UBA1: variants seen among roughly 807,000 people sequenced by gnomAD.
UBA1 encodes the protein ubiquitin like modifier activating enzyme 1.
In UBA1, 4 loss-of-function variants were observed where a neutral mutation model predicts 84.7. That is an observed-to-expected ratio of 0.05 (90% CI 0.02 to 0.11). UBA1 has a LOEUF of 0.11. Among genes scored for constraint, UBA1 ranks in the 10% least tolerant of loss-of-function variants. The probability of loss-of-function intolerance (pLI) is 1.00; values close to 1 mark genes in which losing one functional copy is unlikely to be tolerated. For missense variants in UBA1, 513 were observed against 902.8 expected, an observed-to-expected ratio of 0.57 and a Z score of 5.53; for synonymous variants, 364 against 362.6, an observed-to-expected ratio of 1.00 and a Z score of -0.04.
chrX:47,197,149 C>T, intron 1 of UBA1: 2 of 755,010 alleles, frequency 2.6e-6, no homozygotes, highest in Non-Finnish European at 3.1e-6. Flanking sequence ...CTCAGGGGCT[C>T]CAGCCAGCCT....
intron 13 of UBA1, 127 bp from the exon 14 acceptor site, chrX:47,203,414 C>T: frequency 1.1e-6 from 1 of 926,825 alleles, no homozygotes; most frequent in African/African-American, 1.9e-5. Context: ...TCTTAGAGTC[C>T]TGCAACCTGA....
chrX:47,201,071 A>G (rs1284800521), intron 6 of UBA1, 71 bp downstream of exon 6: 1 of 974,457 alleles, frequency 1.0e-6, no homozygotes, highest in Non-Finnish European at 1.4e-6. Context: ...CCAAGACTCT[A>G]GGCTCTCCCT....
At position 47,206,342 on chromosome X, in the gene UBA1, C is replaced by G. The variant is rs201672447; in HGVS notation, c.1836C>G (p.Pro612=). The G allele has an allele frequency of 1.4e-5, 17 of 1,210,719 alleles. No individual in the cohort carries two copies. The Admixed American group carries it at 3.7e-4, about 26-fold the overall frequency. Reference sequence around the variant, plus strand: ...AAGGCAATGTGCAGGTGGTGATCCCCTTCCTGACAGAGTCGTACAGTTCCA... The same window carrying G: ...AAGGCAATGTGCAGGTGGTGATCCCGTTCCTGACAGAGTCGTACAGTTCCA... ...GTKGNVQVVI[P]FLTESYSSSQ... is the part of the protein sequence containing the mutation. Residue 612 remains proline (P), a synonymous_variant, in exon 16 of 26, where the codon CCC becomes CCG. Transcript: ENST00000335972.
rs782121109 is a variant in UBA1, at chrX:47,211,272, G to A, written c.2464+47G>A. 14 of 1,176,448 alleles carry A rather than the reference G, an allele frequency of 1.2e-5. No homozygotes were observed. In the Admixed American group the frequency reaches 2.0e-4, roughly 17 times the overall value. On this transcript the variant is annotated intron_variant, in intron 20 of 25. Coordinates refer to ENST00000335972, the MANE Select transcript of UBA1 (RefSeq NM_003334.4). ...GCCAGGAGTCACCCCACATGTCCCC[G>A]GCCTAGTCCAGCCTCCCCACCAGTC... is the stretch of plus-strand genomic sequence containing the variant.
Position 47,204,490 on chromosome X carries a change from C to T in UBA1, c.1575+794C>T, listed in dbSNP as rs182627951. Among the ~76,000 whole-genome samples, 351 of 111,700 alleles carry T rather than the reference C, an allele frequency of 3.1e-3. 2 individuals carry two copies. Among genetic ancestry groups the T allele is most frequent in the Non-Finnish European group, 5.3e-3 (281 of 53,085 alleles). On this transcript the variant is annotated intron_variant, in intron 14 of 25. Coordinates refer to ENST00000335972, the MANE Select transcript of UBA1 (RefSeq NM_003334.4). ...GGGAAGCTTGTTAGACTCAGCACCA[C>T]CTCTTTTACTTGGGGCTGGTCATGT...
upstream of UBA1, among the ~76,000 whole-genome samples, chrX:47,192,594 A>AT (rs1394772644): frequency 9.0e-6 from 1 of 110,866 alleles, no homozygotes; most frequent in African/African-American, 3.3e-5. Flanking sequence ...ATATTCTCTG[A>AT]TTTTCTTTTG....
At chrX:47,212,250 T>G (rs1444591526) in intron 20 of UBA1, among the ~76,000 whole-genome samples, 174 bp from the exon 21 acceptor site, 5 of 110,953 alleles carry the variant, frequency 4.5e-5, no homozygotes, top group African/African-American at 6.6e-5. Flanking sequence ...TTTTTCAGGT[T>G]TGTATTCTGC....
chrX:47,202,742 A>C lies in UBA1; in HGVS notation c.1161A>C (p.Ala387=). Residue 387 remains alanine, a synonymous_variant, in exon 11 of 26, where the codon GCA becomes GCC. Transcript: ENST00000335972. ...NLDEDLIRKL[A]YVAAGDLAPI... ...ACGAGGACCTCATCCGGAAGCTGGC[A>C]TATGTGGCTGCTGGGGATCTGGCAC... The C allele has an allele frequency of 8.3e-7, 1 of 1,210,940 alleles. No individual in the cohort carries two copies. Among genetic ancestry groups the C allele is most frequent in the African/African-American group, 1.7e-5 (1 of 57,915 alleles).
intron 23 of UBA1, among the ~76,000 whole-genome samples, chrX:47,214,109 A>G (rs893373487): frequency 4.5e-5 from 5 of 111,098 alleles, no homozygotes; most frequent in African/African-American, 9.9e-5. Context: ...GAGGAATTCA[A>G]AGTCCCCAGA....
chrX:47,197,404 C>T, intron 1 of UBA1: 1 of 754,818 alleles, frequency 1.3e-6, no homozygotes, highest in Non-Finnish European at 1.6e-6. Context: ...GTAGGGAGCT[C>T]TTGTCATTGT....
chrX:47,201,412 G>C (rs376102765), intron 7 of UBA1, 46 bp downstream of exon 7: 300 of 1,207,788 alleles, frequency 2.5e-4, no homozygotes, highest in South Asian at 3.2e-4. Flanking sequence ...GTGGGCTGCA[G>C]TAGTCCTTCC....
At chrX:47,208,316 T>A (rs1301895839) in intron 16 of UBA1, among the ~76,000 whole-genome samples, 2 of 79,527 alleles carry the variant, frequency 2.5e-5, no homozygotes, top group Non-Finnish European at 4.3e-5. Context: ...TACGTGTAAG[T>A]GTGTGTACGT....
intron 23 of UBA1, among the ~76,000 whole-genome samples, chrX:47,213,740 ACCTGTAAT>A (rs1937027521): frequency 9.1e-6 from 1 of 110,327 alleles, no homozygotes; most frequent in South Asian, 3.8e-4. Context: ...AGTGGTAGGC[ACCTGTAAT>A]CCCAGCTACT....
intron 18 of UBA1, 93 bp from the exon 19 acceptor site, chrX:47,210,749 T>TG: frequency 1.1e-6 from 1 of 930,538 alleles, no homozygotes; most frequent in Non-Finnish European, 1.5e-6. Context: ...GATAGTGAAT[T>TG]GGGGGCACAT....
chrX:47,200,674 C>G (rs1365153588), intron 5 of UBA1, among the ~76,000 whole-genome samples: 3 of 112,082 alleles, frequency 2.7e-5, no homozygotes, highest in Admixed American at 9.4e-5. Flanking sequence ...TCCAAACTCC[C>G]TCCTCCCAGC....
intron 16 of UBA1, among the ~76,000 whole-genome samples, chrX:47,208,323 ACG>A (rs1556792007): frequency 2.7e-5 from 2 of 74,559 alleles, no homozygotes; most frequent in Non-Finnish European, 4.5e-5. Flanking sequence ...AAGTGTGTGT[ACG>A]TGTGTGTGTG....
At position 47,205,945 on chromosome X, in the gene UBA1, T is replaced by C; in HGVS notation, c.1576-3T>C. The C allele has an allele frequency of 2.5e-6, 3 of 1,202,600 alleles. No individual in the cohort carries two copies. The highest frequency in any genetic ancestry group is 2.2e-6 in the Non-Finnish European group (2 of 890,632). On this transcript the variant is annotated splice_region_variant and splice_polypyrimidine_tract_variant and intron_variant, in intron 14 of 25. Coordinates refer to ENST00000335972, the MANE Select transcript of UBA1 (RefSeq NM_003334.4). Reference sequence around the variant, plus strand: ...CTGGAACTGCACTTTCTTAACCCTTTAGAAGTTAAAGTCTGACACGGCTGC... The same window carrying C: ...CTGGAACTGCACTTTCTTAACCCTTCAGAAGTTAAAGTCTGACACGGCTGC...
Position 47,214,323 on chromosome X carries a change from G to T in UBA1, c.2839-4G>T. ...CATCTTACACTCCCCTCTTTGTCTT[G>T]CAGTACTATAACCAAGAGTGGACAT... On this transcript the variant is annotated splice_region_variant and splice_polypyrimidine_tract_variant and intron_variant, in intron 23 of 25. Coordinates refer to ENST00000335972, the MANE Select transcript of UBA1 (RefSeq NM_003334.4). 4 of 1,208,642 alleles carry T rather than the reference G, an allele frequency of 3.3e-6. No individual in the cohort carries two copies. The highest frequency in any genetic ancestry group is 4.5e-6 in the Non-Finnish European group (4 of 892,831).
intron 14 of UBA1, chrX:47,205,612 C>T (rs1936635285): frequency 2.8e-6 from 1 of 361,267 alleles, no homozygotes; most frequent in Non-Finnish European, 5.4e-6. Context: ...CCTGTAATCC[C>T]AGCTCTTTGT....
Sources: gnomAD v4.1 joint callset for allele counts (sites outside exome capture counted in the v4.1 genomes callset) on GRCh38, gnomAD v4.1.1 for gene constraint, MANE v1.5 for transcripts, NCBI Gene and HGNC (gene_info 2026-07-23, HGNC 2026-07-21) for gene names.